The following RARB variants were observed in gnomAD, a reference collection of about 807,000 sequenced individuals.
RARB encodes HBV-activated protein.
Under a neutral mutation model 51.9 loss-of-function variants are expected in RARB, and 17 were observed. That is an observed-to-expected ratio of 0.33 (90% CI 0.22 to 0.49). RARB has a LOEUF of 0.49. Ranked by LOEUF, RARB falls within the 20% of genes least tolerant of loss-of-function variation. RARB has a pLI of 0.99. For missense variants in RARB, 369 were observed against 550.8 expected, an observed-to-expected ratio of 0.67 and a Z score of 3.30; for synonymous variants, 215 against 195.4, an observed-to-expected ratio of 1.10 and a Z score of -0.84.
At chr3:24,981,888 A>G (rs1696683078) in intron 2 of RARB, among the ~76,000 whole-genome samples, 1 of 152,176 alleles carries the variant, frequency 6.6e-6, no homozygotes, top group Admixed American at 6.5e-5. Context: ...GGAGCTGTAG[A>G]CCAGAGCTAT....
intron 2 of RARB, among the ~76,000 whole-genome samples, chr3:24,978,210 C>CTT (rs201516449): frequency 1.3e-5 from 2 of 150,650 alleles, no homozygotes; most frequent in African/African-American, 4.9e-5. Context: ...GCCTAAGATT[C>CTT]TTTTTTTTTG....
intron 5 of RARB, among the ~76,000 whole-genome samples, chr3:25,343,455 G>T (rs1705293685): frequency 7.0e-6 from 1 of 143,006 alleles, no homozygotes; most frequent in African/African-American, 2.6e-5. Flanking sequence ...CTCATTTCTG[G>T]CTTTTTTTTT....
intron 5 of RARB, among the ~76,000 whole-genome samples, chr3:25,350,351 A>G (rs188276771): frequency 7.1e-4 from 108 of 152,260 alleles, no homozygotes; most frequent in African/African-American, 2.2e-3. Context: ...GCTCAGCATA[A>G]ACAGAGGCAG....
intron 3 of RARB, among the ~76,000 whole-genome samples, chr3:25,098,709 G>T (rs1055702198): frequency 6.6e-6 from 1 of 152,148 alleles, no homozygotes; most frequent in Non-Finnish European, 1.5e-5. Flanking sequence ...AACAGAGATT[G>T]TCTGGCCCAC....
At chr3:25,486,628 A>G (rs1696488327) in intron 2 of RARB, among the ~76,000 whole-genome samples, 1 of 152,212 alleles carries the variant, frequency 6.6e-6, no homozygotes, top group Non-Finnish European at 1.5e-5. Context: ...TATAGTCATT[A>G]TCTGTATATA....
intron 4 of RARB, among the ~76,000 whole-genome samples, chr3:25,139,122 C>T (rs1700073958): frequency 1.3e-5 from 2 of 152,000 alleles, no homozygotes; most frequent in Admixed American, 1.3e-4. Flanking sequence ...TCCTTGTCTC[C>T]CTCTTTTCCA....
chr3:25,428,687 C>G lies in RARB; in HGVS notation c.-45C>G. The G allele has an allele frequency of 6.3e-7, 1 of 1,575,574 alleles. No individual in the cohort carries two copies. The highest frequency in any genetic ancestry group is 8.7e-7 in the Non-Finnish European group (1 of 1,151,942). On this transcript the variant is annotated 5_prime_UTR_variant, in exon 1 of 8. Transcript: ENST00000330688. Reference sequence around the variant, plus strand: ...CTTTTCTATGCCATTTGCCTCCACACCTAGAGGATAAGCACTTTTGCAGAC... The same window carrying G: ...CTTTTCTATGCCATTTGCCTCCACAGCTAGAGGATAAGCACTTTTGCAGAC...
At chr3:25,015,518 G>A (rs559891289) in intron 2 of RARB, among the ~76,000 whole-genome samples, 1 of 152,176 alleles carries the variant, frequency 6.6e-6, no homozygotes, top group Admixed American at 6.6e-5. Context: ...TCCTGACCCA[G>A]GCATAATGGG....
chr3:24,871,910 C>G (rs535064250), intron 2 of RARB, among the ~76,000 whole-genome samples: 16 of 152,154 alleles, frequency 1.1e-4, no homozygotes, highest in African/African-American at 2.9e-4. Context: ...AAAATAGATG[C>G]GGAATCTTAT....
chr3:24,978,764 T>C (rs1219478613), intron 2 of RARB, among the ~76,000 whole-genome samples: 1 of 152,156 alleles, frequency 6.6e-6, no homozygotes, highest in Non-Finnish European at 1.5e-5. Context: ...AGTTCTGCTC[T>C]GATCTTAGTT....
intron 3 of RARB, among the ~76,000 whole-genome samples, chr3:25,093,832 C>A (rs1306837376): frequency 2.0e-5 from 3 of 152,118 alleles, no homozygotes; most frequent in Non-Finnish European, 2.9e-5. Flanking sequence ...CACACCCAAC[C>A]AATTGGCAAC....
At position 25,333,148 on chromosome 3, in the gene RARB, A is replaced by C. The variant is rs531508952; in HGVS notation, c.179-128045A>C. Among the ~76,000 whole-genome samples, 5 of 152,260 alleles carry C rather than the reference A, an allele frequency of 3.3e-5. No homozygotes were observed. In the South Asian group the frequency reaches 1.0e-3, roughly 32 times the overall value. On this transcript the variant is annotated intron_variant, in intron 5 of 11. Coordinates refer to the RARB transcript ENST00000383772. ...TGCCATCCCCATCAAGCTACCAATG[A>C]CTTTCTTCACAGAATTGGAAAAAAC...
intron 2 of RARB, among the ~76,000 whole-genome samples, chr3:25,026,432 T>G (rs1342448450): frequency 1.3e-5 from 2 of 152,212 alleles, no homozygotes; most frequent in African/African-American, 4.8e-5. Context: ...CCCCTCTCTT[T>G]GGCTTGTAGG....
At chr3:25,055,114 A>T (rs1453179797) in intron 2 of RARB, among the ~76,000 whole-genome samples, 1 of 152,206 alleles carries the variant, frequency 6.6e-6, no homozygotes, top group Non-Finnish European at 1.5e-5. Flanking sequence ...GCTCAAAAGC[A>T]ATTCTCAAGA....
chr3:24,960,988 G>T (rs1478719407), intron 2 of RARB, among the ~76,000 whole-genome samples: 1 of 152,106 alleles, frequency 6.6e-6, no homozygotes, highest in African/African-American at 2.4e-5. Flanking sequence ...TGTGACAGGG[G>T]CCAGGAATTA....
chr3:25,301,790 G>A (rs1286644011), intron 5 of RARB, among the ~76,000 whole-genome samples: 1 of 152,200 alleles, frequency 6.6e-6, no homozygotes, highest in Non-Finnish European at 1.5e-5. Context: ...AGTGGAAAGT[G>A]GCACTAATAT....
intron 2 of RARB, among the ~76,000 whole-genome samples, chr3:24,890,258 A>C (rs1003922692): frequency 6.6e-6 from 1 of 152,152 alleles, no homozygotes; most frequent in African/African-American, 2.4e-5. Flanking sequence ...CTCTCTTCCC[A>C]GTTGGTGCTA....
intron 3 of RARB, among the ~76,000 whole-genome samples, chr3:25,076,602 T>G (rs1698874834): frequency 6.6e-6 from 1 of 152,202 alleles, no homozygotes; most frequent in Non-Finnish European, 1.5e-5. Flanking sequence ...AGCTCCACTT[T>G]TGAAGAGTTA....
intron 2 of RARB, among the ~76,000 whole-genome samples, chr3:24,976,544 G>C (rs1269677476): frequency 6.6e-6 from 1 of 152,108 alleles, no homozygotes; most frequent in Non-Finnish European, 1.5e-5. Context: ...TTTTTCATGT[G>C]TCTGTTGGCT....
Sources: gnomAD v4.1 joint callset for allele counts (sites outside exome capture counted in the v4.1 genomes callset) on GRCh38, gnomAD v4.1.1 for gene constraint, MANE v1.5 for transcripts, NCBI Gene and HGNC (gene_info 2026-07-23, HGNC 2026-07-21) for gene names.